Variants in RBM27 observed in about 807,000 individuals in gnomAD.
RBM27 encodes the protein RNA-binding protein 27.
A neutral mutation model predicts 135.3 loss-of-function variants in RBM27; 22 were observed. The ratio of observed to expected loss-of-function variants is 0.16; its 90% confidence interval spans 0.12 to 0.23. RBM27 has a LOEUF of 0.23. RBM27 is among the 10% of genes least tolerant of loss of function. The pLI, the probability that RBM27 is intolerant of heterozygous loss-of-function variation, is 1.00. For synonymous variants in RBM27, 481 were observed against 442.4 expected, an observed-to-expected ratio of 1.09 and a Z score of -1.10; for missense variants, 1,009 against 1,281.0, an observed-to-expected ratio of 0.79 and a Z score of 3.24.
intron 8 of RBM27, among the ~76,000 whole-genome samples, chr5:146,249,866 T>A (rs886388432): frequency 6.6e-6 from 1 of 152,154 alleles, no homozygotes; most frequent in African/African-American, 2.4e-5. Flanking sequence ...GGTAAATGTG[T>A]GCCATGGTGG....
intron 3 of RBM27, among the ~76,000 whole-genome samples, chr5:146,228,282 C>CTTTTTT (rs1043361050): frequency 8.9e-6 from 1 of 111,854 alleles, no homozygotes. Context: ...ACCATTCTTT[C>CTTTTTT]TTTTTTTTTT....
At chr5:146,244,824 G>A (rs1004925910) in intron 8 of RBM27, among the ~76,000 whole-genome samples, 1 of 152,150 alleles carries the variant, frequency 6.6e-6, no homozygotes, top group South Asian at 2.1e-4. Flanking sequence ...TTACAGGCAT[G>A]AGCCACCATG....
chr5:146,244,408 C>G (rs970190868), intron 8 of RBM27, among the ~76,000 whole-genome samples: 5 of 152,096 alleles, frequency 3.3e-5, no homozygotes, highest in African/African-American at 9.7e-5. Flanking sequence ...TGTTACTTTT[C>G]TTGAGTTAAA....
Position 146,251,841 on chromosome 5 carries a change from T to C in RBM27, c.1410T>C (p.His470=), listed in dbSNP as rs780647380. Residue 470 remains histidine (H), a synonymous_variant, in exon 9 of 21, where the codon CAT becomes CAC. Coordinates refer to ENST00000265271, the MANE Select transcript of RBM27 (RefSeq NM_018989.2). Reference sequence around the variant, plus strand: ...TCATGGGATCCTCCATTGGATACCATACCTCAGTCTCCAGCCCTACCCCTC... The same window carrying C: ...TCATGGGATCCTCCATTGGATACCACACCTCAGTCTCCAGCCCTACCCCTC... The part of the protein sequence containing the change: ...RNLMGSSIGY[H]TSVSSPTPLV... 1 of 1,614,150 alleles carries C rather than the reference T, an allele frequency of 6.2e-7. No homozygotes were observed. Among genetic ancestry groups the C allele is most frequent in the East Asian group, 2.2e-5 (1 of 44,882 alleles).
In RBM27 at chr5:146,205,835, A is replaced by G. The variant is rs140867350; in HGVS notation, c.59+2011A>G. On this transcript the variant is annotated intron_variant, in intron 1 of 20. Coordinates refer to ENST00000265271, the MANE Select transcript of RBM27 (RefSeq NM_018989.2). ...GGAGTTCAAGACCAGCCTGGCCAAT[A>G]TGGTGAAACCCCGTCTCTACTGAAA... Among the ~76,000 whole-genome samples, 472 of 152,248 alleles carry G rather than the reference A, an allele frequency of 3.1e-3. 4 individuals are homozygous for G. The highest frequency in any genetic ancestry group is 0.011 in the African/African-American group (456 of 41,558).
chr5:146,241,174 C>A (rs1757394741), intron 8 of RBM27, among the ~76,000 whole-genome samples: 1 of 151,960 alleles, frequency 6.6e-6, no homozygotes, highest in Non-Finnish European at 1.5e-5. Flanking sequence ...TAAAAAAAAT[C>A]TGGCAATTAC....
At chr5:146,243,716 G>T (rs574250356) in intron 8 of RBM27, among the ~76,000 whole-genome samples, 3 of 152,264 alleles carry the variant, frequency 2.0e-5, no homozygotes, top group African/African-American at 4.8e-5. Context: ...AACAAGTTGG[G>T]AAAGTTTAAA....
Position 146,287,145 on chromosome 5 carries a change from AG to A in RBM27, c.*1120del, listed in dbSNP as rs1048475012. On this transcript the variant is annotated 3_prime_UTR_variant, in exon 21 of 21. Transcript: ENST00000265271. ...CTGGGGGGTGGGGGGTGGAGGTGGG[AG>A]GGGGTTGAGGGCTGAGTATGCTAGT... is the stretch of plus-strand genomic sequence containing the variant. 4.8e-5 allele frequency: 4 copies of A among 84,068 alleles called. No homozygotes were observed. Among genetic ancestry groups the A allele is most frequent in the African/African-American group, 1.8e-4 (4 of 22,244 alleles). The allele number at this position is 84,068 out of a possible 1,614,324, so 5.2% of individuals were successfully genotyped here. A position where few individuals can be genotyped will look rare whatever the true frequency, so the allele number is the denominator to read the frequency against.
chr5:146,272,697 G>A (rs1758921043), intron 19 of RBM27, among the ~76,000 whole-genome samples: 2 of 151,538 alleles, frequency 1.3e-5, no homozygotes, highest in South Asian at 4.2e-4. Flanking sequence ...ACACCAGCCT[G>A]GGCCACAAGA....
At chr5:146,244,047 A>G (rs183626136) in intron 8 of RBM27, among the ~76,000 whole-genome samples, 1 of 152,184 alleles carries the variant, frequency 6.6e-6, no homozygotes, top group Non-Finnish European at 1.5e-5. Flanking sequence ...CTAAAAAAAA[A>G]CCCCAGGTAA....
At position 146,258,540 on chromosome 5, in the gene RBM27, A is replaced by G; in HGVS notation, c.1686A>G (p.Lys562=). The G allele has an allele frequency of 6.3e-7, 1 of 1,599,608 alleles. No individual in the cohort carries two copies. The highest frequency in any genetic ancestry group is 8.5e-7 in the Non-Finnish European group (1 of 1,172,786). ...TRVVLEPDSR[K]RAMSGLEGPL... is the part of the protein sequence containing the mutation. ...TAGTTCTTGAACCAGATAGTCGAAA[A>G]AGAGCTATGAGTGGTTTGGAAGGGC... Residue 562 remains lysine, a synonymous_variant, in exon 11 of 21, where the codon AAA becomes AAG. Transcript: ENST00000265271.
intron 1 of RBM27, among the ~76,000 whole-genome samples, chr5:146,218,610 C>T (rs1291055294): frequency 6.6e-6 from 1 of 152,160 alleles, no homozygotes; most frequent in Non-Finnish European, 1.5e-5. Context: ...TCATTAATCA[C>T]CTGGAACAGA....
chr5:146,265,184 G>A (rs938384157), intron 14 of RBM27, among the ~76,000 whole-genome samples: 1 of 152,032 alleles, frequency 6.6e-6, no homozygotes, highest in Non-Finnish European at 1.5e-5. Flanking sequence ...CAAAAGACTG[G>A]AAACAACCCA....
intron 8 of RBM27, among the ~76,000 whole-genome samples, chr5:146,240,294 A>ATCTGTCTGTCTG (rs59670617): frequency 2.7e-5 from 4 of 148,108 alleles, no homozygotes; most frequent in African/African-American, 5.0e-5. Context: ...GCTGTTTTCT[A>ATCTGTCTGTCTG]TCTGTCTGTC....
intron 1 of RBM27, among the ~76,000 whole-genome samples, chr5:146,209,088 A>G (rs1211916195): frequency 6.6e-6 from 1 of 152,092 alleles, no homozygotes; most frequent in Non-Finnish European, 1.5e-5. Flanking sequence ...AACAGAACTA[A>G]ATTTTATTTG....
intron 1 of RBM27, among the ~76,000 whole-genome samples, chr5:146,210,235 C>T (rs765432830): frequency 1.3e-5 from 2 of 152,048 alleles, no homozygotes; most frequent in African/African-American, 2.4e-5. Context: ...TATGTATATA[C>T]AGGTAATTGA....
At chr5:146,230,520 G>C (rs568943735) in intron 5 of RBM27, 137 bp from the exon 6 acceptor site, 102 of 863,702 alleles carry the variant, frequency 1.2e-4, no homozygotes, top group Non-Finnish European at 1.7e-4. Flanking sequence ...TTAATAAAGA[G>C]AGGAGTATGA....
chr5:146,274,404 G>A (rs1177911444), intron 19 of RBM27, among the ~76,000 whole-genome samples: 4 of 151,784 alleles, frequency 2.6e-5, no homozygotes, highest in Admixed American at 1.3e-4. Context: ...CTACAGGCAC[G>A]CACGACCACA....
At chr5:146,237,216 G>A in intron 7 of RBM27, 82 bp from the exon 8 acceptor site, 1 of 1,536,152 alleles carries the variant, frequency 6.5e-7, no homozygotes, top group Middle Eastern at 1.7e-4. Flanking sequence ...TGGATTACAG[G>A]TGTGAGCCAC....
Sources: gnomAD v4.1 joint callset for allele counts (sites outside exome capture counted in the v4.1 genomes callset) on GRCh38, gnomAD v4.1.1 for gene constraint, MANE v1.5 for transcripts, NCBI Gene and HGNC (gene_info 2026-07-23, HGNC 2026-07-21) for gene names.